Variants in NEGR1 observed in about 807,000 individuals in gnomAD.
NEGR1 encodes the protein IgLON family member 4.
A neutral mutation model predicts 40.9 loss-of-function variants in NEGR1; 10 were observed. The ratio of observed to expected loss-of-function variants is 0.24; its 90% CI spans 0.15 to 0.42. NEGR1 has a LOEUF of 0.42. Ranked by LOEUF, NEGR1 falls within the 10% of genes least tolerant of loss-of-function variation. NEGR1 has a pLI of 1.00. For synonymous variants in NEGR1, 185 were observed against 166.8 expected (o/e 1.11, Z -0.84); for missense variants, 352 against 438.9 (o/e 0.80, Z 1.77).
At chr1:71,968,220 G>A (rs1414277852) in intron 1 of NEGR1, among the ~76,000 whole-genome samples, 1 of 152,220 alleles carries the variant, frequency 6.6e-6, no homozygotes, top group Non-Finnish European at 1.5e-5. Flanking sequence ...GACACTGAAA[G>A]GATCCACTCA....
intron 4 of NEGR1, among the ~76,000 whole-genome samples, chr1:71,642,090 C>T (rs1651373548): frequency 2.0e-5 from 3 of 151,882 alleles, no homozygotes; most frequent in Admixed American, 6.6e-5. Flanking sequence ...AAATGAGAGA[C>T]AGGATCAGAA....
chr1:71,712,775 C>T (rs1654145406), intron 3 of NEGR1, among the ~76,000 whole-genome samples: 1 of 152,010 alleles, frequency 6.6e-6, no homozygotes, highest in African/African-American at 2.4e-5. Context: ...ATCATGGGGT[C>T]AGATTTACCC....
At chr1:72,001,726 C>A (rs534825065) in intron 1 of NEGR1, among the ~76,000 whole-genome samples, 1 of 150,886 alleles carries the variant, frequency 6.6e-6, no homozygotes, top group African/African-American at 2.4e-5. Flanking sequence ...GCTAGAGTAA[C>A]CTAACCTAGT....
intron 4 of NEGR1, among the ~76,000 whole-genome samples, chr1:71,669,855 T>C (rs916354655): frequency 9.2e-5 from 14 of 152,116 alleles, no homozygotes; most frequent in African/African-American, 2.9e-4. Context: ...TTTCACCAGG[T>C]TGGCCAGGAT....
chr1:72,171,491 C>G (rs1651962735), intron 1 of NEGR1, among the ~76,000 whole-genome samples: 1 of 152,156 alleles, frequency 6.6e-6, no homozygotes, highest in African/African-American at 2.4e-5. Context: ...TGTTTACATA[C>G]AAGAACCTTC....
At chr1:71,534,677 A>T (rs2101448534) in intron 6 of NEGR1, among the ~76,000 whole-genome samples, 1 of 151,844 alleles carries the variant, frequency 6.6e-6, no homozygotes, top group Non-Finnish European at 1.5e-5. Flanking sequence ...TGTGAGAATT[A>T]TTCCATTTTC....
intron 1 of NEGR1, among the ~76,000 whole-genome samples, chr1:72,217,192 C>A (rs1175538796): frequency 1.3e-5 from 2 of 151,562 alleles, no homozygotes; most frequent in African/African-American, 2.4e-5. Context: ...AAGCGTATGG[C>A]AAAAATTAAT....
intron 1 of NEGR1, among the ~76,000 whole-genome samples, chr1:71,988,923 T>TAACAAAAAAAAAAAAAAAAAA (rs1646426610): frequency 1.2e-5 from 1 of 82,258 alleles, no homozygotes; most frequent in African/African-American, 5.7e-5. Flanking sequence ...TATTGGATGT[T>TAACAAAAAAAAAAAAAAAAAA]AAAAAAAAAA....
intron 1 of NEGR1, among the ~76,000 whole-genome samples, chr1:72,005,728 C>G (rs905562472): frequency 6.6e-6 from 1 of 151,994 alleles, no homozygotes; most frequent in African/African-American, 2.4e-5. Context: ...GTAAAATTTT[C>G]CTAGTGTCTA....
intron 6 of NEGR1, among the ~76,000 whole-genome samples, chr1:71,589,003 G>A (rs1317037369): frequency 1.3e-5 from 2 of 152,044 alleles, no homozygotes; most frequent in Non-Finnish European, 2.9e-5. Flanking sequence ...TCTGAAAAGC[G>A]CAATTTATTA....
At chr1:71,475,532 T>C (rs1284612324) in intron 6 of NEGR1, among the ~76,000 whole-genome samples, 1 of 152,090 alleles carries the variant, frequency 6.6e-6, no homozygotes, top group African/African-American at 2.4e-5. Flanking sequence ...ATGTTATTAA[T>C]AATATTTTCC....
At chr1:71,669,079 T>C (rs772179889) in intron 4 of NEGR1, among the ~76,000 whole-genome samples, 42 of 152,202 alleles carry the variant, frequency 2.8e-4, no homozygotes, top group Non-Finnish European at 4.3e-4. Flanking sequence ...ATTGAGTACA[T>C]GTAGATTTAG....
rs528000216 is a variant in NEGR1, at chr1:71,738,522, AG to A, written c.535+37649del. Among the ~76,000 whole-genome samples the A allele has an allele frequency of 9.7e-4, 148 of 152,142 alleles. 2 individuals are homozygous for A. Among genetic ancestry groups the A allele is most frequent in the Non-Finnish European group, 1.4e-3 (93 of 68,022 alleles). ...CAGAGCAGCTGGGGATGGGGATCAG[AG>A]TGACATGGGACACTACTTTCCTTTT... On this transcript the variant is annotated intron_variant, in intron 3 of 6. Transcript: ENST00000357731.
intron 1 of NEGR1, among the ~76,000 whole-genome samples, chr1:72,090,362 T>G (rs1648426776): frequency 7.1e-6 from 1 of 139,948 alleles, no homozygotes; most frequent in Non-Finnish European, 1.5e-5. Context: ...ATTCTTTTTT[T>G]CTTAAAAAAA....
chr1:72,169,717 T>A (rs1651892902), intron 1 of NEGR1, among the ~76,000 whole-genome samples: 1 of 152,200 alleles, frequency 6.6e-6, no homozygotes, highest in Admixed American at 6.5e-5. Context: ...TCTATACTGA[T>A]GAGCCTTTCC....
chr1:71,787,223 T>C lies in NEGR1; in HGVS notation c.410-10926A>G, dbSNP rs142739441. Among the ~76,000 whole-genome samples the C allele has an allele frequency of 7.6e-3, 1,159 of 152,340 alleles. 11 individuals carry two copies. The highest frequency in any genetic ancestry group is 0.027 in the African/African-American group (1,120 of 41,584). ...AGAATAAAGAAAATTTGAGAACTTATCTTATGTGACTTCACAACTTACCAT... is the reference window on the plus strand; with the variant it reads ...AGAATAAAGAAAATTTGAGAACTTACCTTATGTGACTTCACAACTTACCAT... On this transcript the variant is annotated intron_variant, in intron 2 of 6. Transcript: ENST00000357731.
intron 1 of NEGR1, among the ~76,000 whole-genome samples, chr1:72,201,347 A>C (rs1191654052): frequency 6.6e-6 from 1 of 151,280 alleles, no homozygotes; most frequent in African/African-American, 2.4e-5. Flanking sequence ...ATTTTACATC[A>C]TATTTACATA....
chr1:71,587,255 T>C (rs1443456354), intron 6 of NEGR1, among the ~76,000 whole-genome samples: 2 of 152,120 alleles, frequency 1.3e-5, no homozygotes, highest in Non-Finnish European at 2.9e-5. Flanking sequence ...ACAGCTAGTT[T>C]CATATTCAAC....
chr1:72,243,220 T>C (rs1654804083), intron 1 of NEGR1, among the ~76,000 whole-genome samples: 1 of 151,474 alleles, frequency 6.6e-6, no homozygotes, highest in Admixed American at 6.6e-5. Context: ...ACTTCTCATC[T>C]CAATTAAAAT....
Sources: gnomAD v4.1 joint callset for allele counts (sites outside exome capture counted in the v4.1 genomes callset) on GRCh38, gnomAD v4.1.1 for gene constraint, MANE v1.5 for transcripts, NCBI Gene and HGNC (gene_info 2026-07-23, HGNC 2026-07-21) for gene names.